Variants in ANKRD36 observed in about 807,000 individuals in gnomAD.
ANKRD36 encodes the protein ankyrin repeat domain 36.
In ANKRD36, 179 loss-of-function variants were observed where a neutral mutation model predicts 278.1. The observed-to-expected ratio is 0.64, with a 90% CI of 0.57 to 0.73. The LOEUF (loss-of-function observed/expected upper bound fraction) is 0.73, where lower values mean the gene tolerates loss of function less well. Ranked by LOEUF, ANKRD36 falls within the 30% of genes least tolerant of loss-of-function variation. The probability of loss-of-function intolerance (pLI) is 0.00; values close to 1 mark genes in which losing one functional copy is unlikely to be tolerated. For synonymous variants in ANKRD36, 320 were observed against 641.1 expected, an observed-to-expected ratio of 0.50 and a Z score of 7.57; for missense variants, 1,159 against 1,956.7, an observed-to-expected ratio of 0.59 and a Z score of 7.69.
chr2:97,115,159 A>T (rs2034900803), intron 1 of ANKRD36, among the ~76,000 whole-genome samples: 1 of 152,166 alleles, frequency 6.6e-6, no homozygotes, highest in Admixed American at 6.6e-5. Flanking sequence ...ATAGAATTGG[A>T]TAATGGTGAC....
chr2:97,195,737 C>A (rs1481739628), intron 40 of ANKRD36, among the ~76,000 whole-genome samples: 2 of 151,908 alleles, frequency 1.3e-5, no homozygotes, highest in Non-Finnish European at 2.9e-5. Flanking sequence ...ATACTGCCAA[C>A]AAGGGTATTC....
At chr2:97,154,924 T>C (rs2047085189) in intron 15 of ANKRD36, among the ~76,000 whole-genome samples, 183 bp downstream of exon 15, 1 of 145,398 alleles carries the variant, frequency 6.9e-6, no homozygotes, top group African/African-American at 2.4e-5. Flanking sequence ...TTTTTTTACT[T>C]TGCAAATAAG....
At chr2:97,220,761 C>CTTT (rs60699692) in intron 66 of ANKRD36, among the ~76,000 whole-genome samples, 10,033 of 66,632 alleles carry the variant, frequency 0.15, 727 homozygotes, top group East Asian at 0.4. Flanking sequence ...TTTTAATTTT[C>CTTT]TTTTTTTTTT....
At chr2:97,198,425 T>G in intron 42 of ANKRD36, 38 bp from the exon 43 acceptor site, 1 of 1,567,286 alleles carries the variant, frequency 6.4e-7, no homozygotes, top group Non-Finnish European at 8.6e-7. Flanking sequence ...TTTGTCGTTT[T>G]TACATATGAG....
intron 66 of ANKRD36, among the ~76,000 whole-genome samples, chr2:97,220,761 C>CTTTTTTTTTTTTTTTTTTTTTT (rs60699692): frequency 1.4e-5 from 1 of 70,606 alleles, no homozygotes; most frequent in Non-Finnish European, 2.6e-5. Context: ...TTTTAATTTT[C>CTTTTTTTTTTTTTTTTTTTTTT]TTTTTTTTTT....
chr2:97,161,705 C>A (rs1176282942), intron 17 of ANKRD36, among the ~76,000 whole-genome samples: 2 of 152,046 alleles, frequency 1.3e-5, no homozygotes, highest in Admixed American at 1.3e-4. Flanking sequence ...TGTGGTAGTT[C>A]TTATTGGCTA....
chr2:97,113,400 G>C lies in ANKRD36; in HGVS notation c.-340G>C. 3.0e-6 allele frequency: 1 copy of C among 336,510 alleles called. No homozygotes were observed. Among genetic ancestry groups the C allele is most frequent in the Non-Finnish European group, 5.4e-6 (1 of 184,176 alleles). The allele number at this position is 336,510 out of a possible 1,614,324, so 20.8% of individuals were successfully genotyped here. ...GAGCCTGTGGAAGAGAAGAGCGCGC[G>C]GGCGACAGTTAAACAGGCCCTGGGG... On this transcript the variant is annotated 5_prime_UTR_variant, in exon 1 of 76. Coordinates refer to ENST00000420699, the MANE Select transcript of ANKRD36 (RefSeq NM_001354587.1).
chr2:97,125,049 C>G (rs1370659155), intron 5 of ANKRD36, among the ~76,000 whole-genome samples: 1 of 151,564 alleles, frequency 6.6e-6, no homozygotes, highest in Non-Finnish European at 1.5e-5. Context: ...CTAAGGGGTT[C>G]CCTAAGTCCA....
intron 6 of ANKRD36, among the ~76,000 whole-genome samples, chr2:97,142,406 A>C (rs2043137241): frequency 6.6e-6 from 1 of 152,066 alleles, no homozygotes; most frequent in African/African-American, 2.4e-5. Context: ...AGTTTTAGAC[A>C]TATGAAAAAT....
In ANKRD36 at chr2:97,113,482, C is replaced by A. The variant is rs2034137551; in HGVS notation, c.-258C>A. 1.9e-6 allele frequency: 1 copy of A among 516,116 alleles called. No individual in the cohort carries two copies. The highest frequency in any genetic ancestry group is 2.0e-5 in the African/African-American group (1 of 50,448). The allele number at this position is 516,116 out of a possible 1,614,324, so 32.0% of individuals were successfully genotyped here. On this transcript the variant is annotated 5_prime_UTR_variant, in exon 1 of 76. Coordinates refer to ENST00000420699, the MANE Select transcript of ANKRD36 (RefSeq NM_001354587.1). ...CCCTCCCGCGGCACCTCCGCAGCAACCGCCGCCTGCACTGGGCGCGCGAGA... is the reference window on the plus strand; with the variant it reads ...CCCTCCCGCGGCACCTCCGCAGCAAACGCCGCCTGCACTGGGCGCGCGAGA...
At chr2:97,198,712 C>T (rs2060486217) in intron 44 of ANKRD36, 54 bp downstream of exon 44, 1 of 1,484,876 alleles carries the variant, frequency 6.7e-7, no homozygotes, top group Non-Finnish European at 9.1e-7. Flanking sequence ...ATAAGAAGTT[C>T]TCTTCCCTGA....
Position 97,114,899 on chromosome 2 carries a change from TGAC to T in ANKRD36, c.197+967_197+969del, listed in dbSNP as rs562959542. ...TTACTCATGCTGTCTTTTACTATTG[TGAC>T]GACATCAAGAAAACTTTTGAAATGG... On this transcript the variant is annotated intron_variant, in intron 1 of 75. Transcript: ENST00000420699. Among the ~76,000 whole-genome samples the T allele has an allele frequency of 1.2e-3, 186 of 152,208 alleles. 4 individuals carry two copies. The highest frequency in any genetic ancestry group is 4.2e-3 in the African/African-American group (175 of 41,566).
chr2:97,175,875 G>A (rs1575357826), intron 22 of ANKRD36, among the ~76,000 whole-genome samples: 1 of 151,536 alleles, frequency 6.6e-6, no homozygotes, highest in East Asian at 1.9e-4. Flanking sequence ...CCTTCATTTT[G>A]TTATGTACCC....
At chr2:97,182,987 A>G (rs767425788) in intron 26 of ANKRD36, among the ~76,000 whole-genome samples, 20 of 151,816 alleles carry the variant, frequency 1.3e-4, no homozygotes, top group Non-Finnish European at 2.8e-4. Flanking sequence ...CTAAAGTGTC[A>G]TTGTCATTGT....
intron 22 of ANKRD36, among the ~76,000 whole-genome samples, chr2:97,175,604 G>T (rs1285911706): frequency 1.5e-4 from 23 of 151,662 alleles, no homozygotes; most frequent in East Asian, 9.7e-4. Flanking sequence ...TTTTGAAGGG[G>T]TTTTTGTGTC....
rs2065267642 is a variant in ANKRD36 at position 97,213,783 on chromosome 2, G to C, written c.3571+169G>C. On this transcript the variant is annotated intron_variant, in intron 60 of 75. Coordinates refer to ENST00000420699, the MANE Select transcript of ANKRD36 (RefSeq NM_001354587.1). Reference sequence around the variant, plus strand: ...GGGTGACGCTGATGCTGCTGGTCTTGGACATGATCTTTGCAGTAAGATTAT... The same window carrying C: ...GGGTGACGCTGATGCTGCTGGTCTTCGACATGATCTTTGCAGTAAGATTAT... Among the ~76,000 whole-genome samples, 3 of 151,582 alleles carry C rather than the reference G, an allele frequency of 2.0e-5. No individual in the cohort carries two copies. The South Asian group carries it at 6.3e-4, about 32-fold the overall frequency.
intron 10 of ANKRD36, among the ~76,000 whole-genome samples, chr2:97,144,975 A>G (rs2043889348): frequency 6.6e-6 from 1 of 152,016 alleles, no homozygotes. Flanking sequence ...GTCTGAGGGG[A>G]CAGCATAATT....
intron 48 of ANKRD36, among the ~76,000 whole-genome samples, chr2:97,203,635 G>T (rs529570666): frequency 6.6e-6 from 1 of 151,786 alleles, no homozygotes; most frequent in Non-Finnish European, 1.5e-5. Context: ...TATTGGGCAA[G>T]TTAAAGAGCA....
intron 67 of ANKRD36, among the ~76,000 whole-genome samples, chr2:97,226,947 G>T (rs538697168): frequency 6.6e-6 from 1 of 151,966 alleles, no homozygotes; most frequent in African/African-American, 2.4e-5. Context: ...GATATGCGGC[G>T]TTATTTCTGA....
Sources: gnomAD v4.1 joint callset for allele counts (sites outside exome capture counted in the v4.1 genomes callset) on GRCh38, gnomAD v4.1.1 for gene constraint, MANE v1.5 for transcripts, NCBI Gene and HGNC (gene_info 2026-07-23, HGNC 2026-07-21) for gene names.